Variants in ZBTB20 observed in about 807,000 individuals in gnomAD.
The protein encoded by ZBTB20 is zinc finger and BTB domain-containing protein 20.
A neutral mutation model predicts 56.9 loss-of-function variants in ZBTB20; 9 were observed. The observed-to-expected ratio is 0.16, with a 90% CI of 0.10 to 0.28. The LOEUF is 0.28. Ranked by LOEUF, ZBTB20 falls within the 10% of genes least tolerant of loss-of-function variation. The pLI is 1.00. For synonymous variants in ZBTB20, 417 were observed against 420.7 expected, an observed-to-expected ratio of 0.99 and a Z score of 0.11; for missense variants, 655 against 1,003.0, an observed-to-expected ratio of 0.65 and a Z score of 4.69.
intron 6 of ZBTB20, among the ~76,000 whole-genome samples, chr3:114,528,272 T>C (rs1454285020): frequency 6.6e-6 from 1 of 152,156 alleles, no homozygotes; most frequent in African/African-American, 2.4e-5. Context: ...AACTCAATTA[T>C]AGCCATGCAA....
chr3:114,499,747 G>A (rs778111852), intron 7 of ZBTB20, among the ~76,000 whole-genome samples: 18 of 150,392 alleles, frequency 1.2e-4, no homozygotes, highest in African/African-American at 3.7e-4. Flanking sequence ...TTTTCCCCCC[G>A]AATACCTTTC....
chr3:114,696,756 G>A (rs777438451), intron 5 of ZBTB20, among the ~76,000 whole-genome samples: 1 of 152,024 alleles, frequency 6.6e-6, no homozygotes, highest in East Asian at 1.9e-4. Context: ...TCCAATGAAA[G>A]AAAAGGGGGA....
chr3:114,797,558 T>A (rs2071413370), intron 5 of ZBTB20, among the ~76,000 whole-genome samples: 1 of 152,010 alleles, frequency 6.6e-6, no homozygotes, highest in South Asian at 2.1e-4. Context: ...TTTTCCCAGA[T>A]AAATTATGAA....
At chr3:114,534,337 T>A (rs2048212438) in intron 6 of ZBTB20, among the ~76,000 whole-genome samples, 1 of 152,166 alleles carries the variant, frequency 6.6e-6, no homozygotes, top group South Asian at 2.1e-4. Flanking sequence ...GGGGTTGCAA[T>A]CCTAGTCTCT....
chr3:114,452,790 T>C (rs1426623884), intron 7 of ZBTB20, among the ~76,000 whole-genome samples: 1 of 152,202 alleles, frequency 6.6e-6, no homozygotes, highest in Non-Finnish European at 1.5e-5. Flanking sequence ...GAAACAACTG[T>C]TGTAGCTGTT....
intron 2 of ZBTB20, among the ~76,000 whole-genome samples, chr3:115,052,372 G>A (rs1013035029): frequency 3.3e-5 from 5 of 151,836 alleles, no homozygotes; most frequent in African/African-American, 9.7e-5. Flanking sequence ...CAGGAGAATC[G>A]CTAGAACCAG....
chr3:115,031,146 A>C (rs573588323), intron 2 of ZBTB20, among the ~76,000 whole-genome samples: 1 of 151,474 alleles, frequency 6.6e-6, no homozygotes, highest in Non-Finnish European at 1.5e-5. Flanking sequence ...AGTAAACCCG[A>C]TATTATCTAA....
intron 10 of ZBTB20, chr3:114,367,133 A>C (rs991026178): frequency 6.6e-6 from 1 of 152,282 alleles, no homozygotes; most frequent in African/African-American, 2.4e-5. Flanking sequence ...GGCTGGAAGG[A>C]GCTACGGTGA....
intron 1 of ZBTB20, among the ~76,000 whole-genome samples, chr3:115,109,517 C>G (rs1029750133): frequency 3.3e-5 from 5 of 152,156 alleles, no homozygotes. Flanking sequence ...AATCCCCCAA[C>G]AGCATTAAAA....
intron 1 of ZBTB20, among the ~76,000 whole-genome samples, chr3:115,104,057 A>C (rs2083654778): frequency 6.6e-6 from 1 of 152,210 alleles, no homozygotes; most frequent in South Asian, 2.1e-4. Context: ...CAGTGACCTC[A>C]CCAAAGAAGA....
chr3:115,121,796 G>A (rs2084188357), intron 1 of ZBTB20, among the ~76,000 whole-genome samples: 1 of 151,964 alleles, frequency 6.6e-6, no homozygotes, highest in South Asian at 2.1e-4. Context: ...CCTATAGGAA[G>A]AAAAGTTTGC....
chr3:114,636,520 A>G (rs1685059854), intron 6 of ZBTB20, among the ~76,000 whole-genome samples: 1 of 152,120 alleles, frequency 6.6e-6, no homozygotes, highest in Non-Finnish European at 1.5e-5. Flanking sequence ...AAATTGTGAC[A>G]CCAATAACAT....
chr3:114,744,029 T>G (rs2066840207), intron 5 of ZBTB20, among the ~76,000 whole-genome samples: 1 of 152,188 alleles, frequency 6.6e-6, no homozygotes, highest in African/African-American at 2.4e-5. Flanking sequence ...AACCCCAGTG[T>G]GAACTTGATT....
intron 6 of ZBTB20, among the ~76,000 whole-genome samples, chr3:114,591,553 A>C (rs1462487818): frequency 6.6e-6 from 1 of 152,204 alleles, no homozygotes; most frequent in East Asian, 1.9e-4. Context: ...CCCACACAAA[A>C]GAAGAAACAT....
intron 3 of ZBTB20, among the ~76,000 whole-genome samples, chr3:114,973,466 T>C (rs897077565): frequency 1.3e-5 from 2 of 152,154 alleles, no homozygotes; most frequent in African/African-American, 4.8e-5. Flanking sequence ...TTTTAAAAAA[T>C]GTTATAAAGA....
intron 7 of ZBTB20, among the ~76,000 whole-genome samples, chr3:114,428,323 A>G (rs2089863606): frequency 6.6e-6 from 1 of 152,216 alleles, no homozygotes; most frequent in East Asian, 1.9e-4. Flanking sequence ...CAAACTACCA[A>G]GAAATACCTC....
chr3:114,878,206 C>A (rs1306009147), intron 4 of ZBTB20, among the ~76,000 whole-genome samples: 1 of 151,980 alleles, frequency 6.6e-6, no homozygotes, highest in African/African-American at 2.4e-5. Flanking sequence ...GTGTCTCATT[C>A]CTAAAACAAC....
chr3:114,389,691 C>T lies in ZBTB20; in HGVS notation c.-254-586G>A, dbSNP rs192928467. Among the ~76,000 whole-genome samples, 1,466 of 150,164 alleles carry T rather than the reference C, an allele frequency of 9.8e-3. 11 individuals are homozygous for T. Among genetic ancestry groups the T allele is most frequent in the Non-Finnish European group, 0.014 (948 of 67,678 alleles). On this transcript the variant is annotated intron_variant, in intron 7 of 11. Coordinates refer to ENST00000675478, the MANE Select transcript of ZBTB20 (RefSeq NM_001348800.3). ...GATCACGAGGTCAGGAGATCGAGACCATCCCAGCCAACACAGTGAAACCCC... is the reference window on the plus strand; with the variant it reads ...GATCACGAGGTCAGGAGATCGAGACTATCCCAGCCAACACAGTGAAACCCC...
intron 3 of ZBTB20, among the ~76,000 whole-genome samples, chr3:114,958,823 C>T (rs1355127601): frequency 2.0e-5 from 3 of 151,172 alleles, no homozygotes; most frequent in Non-Finnish European, 2.9e-5. Flanking sequence ...TGCACTCCAG[C>T]CTGGCCAATA....
Sources: gnomAD v4.1 joint callset for allele counts (sites outside exome capture counted in the v4.1 genomes callset) on GRCh38, gnomAD v4.1.1 for gene constraint, MANE v1.5 for transcripts, NCBI Gene and HGNC (gene_info 2026-07-23, HGNC 2026-07-21) for gene names.